TENM3: variants seen among roughly 807,000 people sequenced by gnomAD.
The protein encoded by TENM3 is teneurin transmembrane protein 3.
A neutral mutation model predicts 255.1 loss-of-function variants in TENM3; 63 were observed. That is an observed-to-expected ratio of 0.25 (90% CI 0.20 to 0.30). The LOEUF is 0.30. Ranked by LOEUF, TENM3 falls within the 10% of genes least tolerant of loss-of-function variation. TENM3 has a pLI of 1.00. For missense variants in TENM3, 2,929 were observed against 3,461.1 expected, an observed-to-expected ratio of 0.85 and a Z score of 3.86; for synonymous variants, 1,306 against 1,322.3, an observed-to-expected ratio of 0.99 and a Z score of 0.27.
At chr4:181,527,798 T>C in the TENM3 span, among the ~76,000 whole-genome samples, 1 of 149,182 alleles carries the variant, frequency 6.7e-6, no homozygotes, top group East Asian at 2.0e-4. Flanking sequence ...TACATTTGCT[T>C]GTAGTCTTTT....
chr4:182,727,461 A>AAAAAAAAAAAG (rs1055948871), intron 13 of TENM3, among the ~76,000 whole-genome samples: 5 of 151,716 alleles, frequency 3.3e-5, no homozygotes, highest in Non-Finnish European at 5.9e-5. Flanking sequence ...GTCTCAAAAA[A>AAAAAAAAAAAG]AAAGAAAGAA....
intron 1 of TENM3, among the ~76,000 whole-genome samples, chr4:182,249,069 G>A (rs983968598): frequency 2.0e-5 from 3 of 152,110 alleles, no homozygotes; most frequent in East Asian, 1.9e-4. Context: ...GTTTTATTCC[G>A]ATTTTGCAGA....
At chr4:181,546,429 C>G in the TENM3 span, among the ~76,000 whole-genome samples, 1 of 152,126 alleles carries the variant, frequency 6.6e-6, no homozygotes, top group South Asian at 2.1e-4. Flanking sequence ...AGAAATGGCA[C>G]CTGAGGCTGA....
chr4:182,620,357 A>G (rs907316517), intron 4 of TENM3, among the ~76,000 whole-genome samples: 1 of 152,210 alleles, frequency 6.6e-6, no homozygotes, highest in Non-Finnish European at 1.5e-5. Flanking sequence ...AAGACACATT[A>G]ATCACAATAT....
chr4:181,881,859 A>T, the TENM3 span, among the ~76,000 whole-genome samples: 1 of 152,206 alleles, frequency 6.6e-6, no homozygotes, highest in Non-Finnish European at 1.5e-5. Context: ...CTTACTGGGC[A>T]TCTAGACCAT....
chr4:182,557,957 G>A (rs1214864213), intron 3 of TENM3, among the ~76,000 whole-genome samples: 6 of 152,232 alleles, frequency 3.9e-5, no homozygotes, highest in South Asian at 2.1e-4. Flanking sequence ...TTTACTTCCC[G>A]CTTGATCTGA....
chr4:182,451,366 A>G (rs1311609302), intron 3 of TENM3, among the ~76,000 whole-genome samples: 2 of 152,160 alleles, frequency 1.3e-5, no homozygotes, highest in East Asian at 3.9e-4. Flanking sequence ...TTTTCAGTGT[A>G]ATATCCTTGT....
chr4:181,611,264 C>G, the TENM3 span, among the ~76,000 whole-genome samples: 1 of 152,168 alleles, frequency 6.6e-6, no homozygotes, highest in Non-Finnish European at 1.5e-5. Flanking sequence ...AGCTTTATTG[C>G]TAACTGAAGC....
At chr4:182,704,811 A>G (rs1050714550) in intron 12 of TENM3, among the ~76,000 whole-genome samples, 2 of 147,996 alleles carry the variant, frequency 1.4e-5, no homozygotes, top group African/African-American at 2.5e-5. Flanking sequence ...GCACACATGC[A>G]TACACACAAA....
At chr4:181,784,194 T>C in the TENM3 span, among the ~76,000 whole-genome samples, 1 of 152,194 alleles carries the variant, frequency 6.6e-6, no homozygotes, top group African/African-American at 2.4e-5. Context: ...AATTGTTTTC[T>C]GACACATGCC....
chr4:181,617,172 T>G, the TENM3 span, among the ~76,000 whole-genome samples: 1 of 152,282 alleles, frequency 6.6e-6, no homozygotes, highest in South Asian at 2.1e-4. Context: ...CCAGTGGAAT[T>G]TAGATTTAGA....
chr4:182,490,321 G>A (rs1735168967), intron 3 of TENM3, among the ~76,000 whole-genome samples: 1 of 152,176 alleles, frequency 6.6e-6, no homozygotes. Context: ...AACTAGCCAT[G>A]ATAACCAGCT....
At chr4:182,679,076 G>T (rs1755890686) in intron 7 of TENM3, among the ~76,000 whole-genome samples, 1 of 152,102 alleles carries the variant, frequency 6.6e-6, no homozygotes, top group African/African-American at 2.4e-5. Flanking sequence ...AGGGGCTAGG[G>T]GAGGGATAGC....
chr4:182,157,139 A>T (rs1018601030), intron 1 of TENM3, among the ~76,000 whole-genome samples: 2 of 152,234 alleles, frequency 1.3e-5, no homozygotes, highest in African/African-American at 4.8e-5. Context: ...ACTCTGAGAC[A>T]CTGCAAAGGT....
chr4:182,326,368 C>G (rs957780860), intron 2 of TENM3, among the ~76,000 whole-genome samples: 2 of 152,090 alleles, frequency 1.3e-5, no homozygotes, highest in African/African-American at 4.8e-5. Context: ...TTTGGAGAGG[C>G]TGGAGACCCC....
intron 1 of TENM3, among the ~76,000 whole-genome samples, chr4:182,292,768 A>G (rs62352261): frequency 0.16 from 24,064 of 152,154 alleles, 2,233 homozygotes; most frequent in African/African-American, 0.23. Flanking sequence ...ATACAGATGA[A>G]TAAACAAGGA....
chr4:181,855,483 G>T, the TENM3 span, among the ~76,000 whole-genome samples: 1 of 152,152 alleles, frequency 6.6e-6, no homozygotes, highest in Non-Finnish European at 1.5e-5. Context: ...CAAGCATCCT[G>T]CTTACCATCC....
At chr4:181,621,127 T>A in the TENM3 span, among the ~76,000 whole-genome samples, 1 of 152,180 alleles carries the variant, frequency 6.6e-6, no homozygotes, top group Non-Finnish European at 1.5e-5. Flanking sequence ...GAGGTCAAAT[T>A]GCTGATATAG....
In TENM3 at chr4:182,455,979, C is replaced by G. The variant is rs73869999; in HGVS notation, c.511+109050C>G. On this transcript the variant is annotated intron_variant, in intron 3 of 27. Transcript: ENST00000511685. ...CATTTGTTTACATTTCTGTCTCCCCCACTAGGGGGACAGGTTCTTTCAGAA... is the reference window on the plus strand; with the variant it reads ...CATTTGTTTACATTTCTGTCTCCCCGACTAGGGGGACAGGTTCTTTCAGAA... Among the ~76,000 whole-genome samples, 717 of 152,310 alleles carry G rather than the reference C, an allele frequency of 4.7e-3. 4 individuals carry two copies. The highest frequency in any genetic ancestry group is 0.015 in the African/African-American group (635 of 41,564).
Sources: gnomAD v4.1 joint callset for allele counts (sites outside exome capture counted in the v4.1 genomes callset) on GRCh38, gnomAD v4.1.1 for gene constraint, MANE v1.5 for transcripts, NCBI Gene and HGNC (gene_info 2026-07-23, HGNC 2026-07-21) for gene names.